The following SMG6 variants were observed in gnomAD, a reference collection of about 807,000 sequenced individuals.
SMG6 encodes SMG6 nonsense mediated mRNA decay factor.
In SMG6, 66 loss-of-function variants were observed where a neutral mutation model predicts 142.2. The observed-to-expected ratio is 0.46, with a 90% CI of 0.38 to 0.57. The LOEUF (loss-of-function observed/expected upper bound fraction) is 0.57. SMG6 is among the 20% of genes least tolerant of loss of function. The pLI, the probability that SMG6 is intolerant of heterozygous loss-of-function variation, is 0.00. For missense variants in SMG6, 1,793 were observed against 1,832.0 expected (o/e 0.98, Z 0.39); for synonymous variants, 779 against 702.4 (o/e 1.11, Z -1.72).
chr17:2,130,710 A>T (rs1334870102), intron 13 of SMG6, among the ~76,000 whole-genome samples: 1 of 151,660 alleles, frequency 6.6e-6, no homozygotes, highest in Non-Finnish European at 1.5e-5. Context: ...AATTGCAATT[A>T]CTCTTGGTAA....
rs533387681 is a variant in SMG6, at chr17:2,083,035, C to T, written c.3535-1079G>A. Among the ~76,000 whole-genome samples, 28 of 152,324 alleles carry T rather than the reference C, an allele frequency of 1.8e-4. 1 individual carries two copies. Among genetic ancestry groups the T allele is most frequent in the Admixed American group, 1.4e-3 (21 of 15,300 alleles). On this transcript the variant is annotated intron_variant, in intron 14 of 18. Transcript: ENST00000263073. ...AACTGAGGTTTAGAAGTCAACACCT[C>T]GCTCAGGGTCACATGGCTAGTAAAG...
At chr17:2,212,964 G>A (rs1420956532) in intron 10 of SMG6, among the ~76,000 whole-genome samples, 1 of 152,234 alleles carries the variant, frequency 6.6e-6, no homozygotes, top group Non-Finnish European at 1.5e-5. Context: ...TTAACAGTTT[G>A]TAGTGAGTGG....
intron 13 of SMG6, among the ~76,000 whole-genome samples, chr17:2,089,050 T>C (rs1164121031): frequency 1.3e-5 from 2 of 152,108 alleles, no homozygotes; most frequent in East Asian, 3.9e-4. Context: ...AAGATGATCT[T>C]TGCTTGGTCT....
chr17:2,211,116 A>T (rs1464060791), intron 10 of SMG6, among the ~76,000 whole-genome samples: 1 of 149,572 alleles, frequency 6.7e-6, no homozygotes, highest in African/African-American at 2.5e-5. Flanking sequence ...AAAAAAAAAT[A>T]GAAAAAAGAT....
rs1169131632 is a variant in SMG6 at position 2,085,186 on chromosome 17, T to C, written c.3534+539A>G. ...CAGACACACACACACGAGTCTGGAG[T>C]GAAGCAAGGGCTACAGGAACAACCA... On this transcript the variant is annotated intron_variant, in intron 14 of 18. Coordinates refer to ENST00000263073, the MANE Select transcript of SMG6 (RefSeq NM_017575.5). This position sits in a 1 kb window ranked among gnomAD's most constrained non-coding sequence, Gnocchi z 4.1. Among the ~76,000 whole-genome samples, 2 of 146,298 alleles carry C rather than the reference T, an allele frequency of 1.4e-5. No individual in the cohort carries two copies. The highest frequency in any genetic ancestry group is 1.4e-4 in the Admixed American group (2 of 14,436).
chr17:2,061,876 A>C, intron 18 of SMG6: 1 of 440,604 alleles, frequency 2.3e-6, no homozygotes, highest in Non-Finnish European at 4.2e-6. Context: ...TAGTTCCCAA[A>C]AGCTGCCCAA....
At chr17:2,191,261 G>C (rs2072153116) in intron 10 of SMG6, among the ~76,000 whole-genome samples, 2 of 152,202 alleles carry the variant, frequency 1.3e-5, no homozygotes, top group South Asian at 4.1e-4. Flanking sequence ...CCACAGGCTA[G>C]AAACCGTAAG....
Position 2,292,879 on chromosome 17 carries a change from T to C in SMG6, c.2250A>G (p.Lys750=). 1 of 1,613,772 alleles carries C rather than the reference T, an allele frequency of 6.2e-7. No individual in the cohort carries two copies. Among genetic ancestry groups the C allele is most frequent in the Non-Finnish European group, 8.5e-7 (1 of 1,179,676 alleles). The change falls in exon 5 of 19, where the codon AAA becomes AAG. Residue 750 remains lysine (K), a synonymous_variant. Coordinates refer to ENST00000263073, the MANE Select transcript of SMG6 (RefSeq NM_017575.5). ...EQASDTANYG[K]ARSWYLKAQH... ...AGCAGAGGTAAAAGTACCTGCGTGC[T>C]TTCCCATAATTCGCTGTATCACTGG...
At chr17:2,131,654 C>A (rs79530674) in intron 13 of SMG6, among the ~76,000 whole-genome samples, 1 of 152,070 alleles carries the variant, frequency 6.6e-6, no homozygotes, top group Non-Finnish European at 1.5e-5. Context: ...TGATTTGTCA[C>A]ACAAATTTTT....
intron 1 of SMG6, among the ~76,000 whole-genome samples, chr17:2,302,552 A>G (rs1240830366): frequency 6.6e-6 from 1 of 152,248 alleles, no homozygotes; most frequent in Non-Finnish European, 1.5e-5. Context: ...AAAAATAATA[A>G]TAACAACAAT....
Position 2,150,678 on chromosome 17 carries a change from A to G in SMG6, c.3357+21980T>C, listed in dbSNP as rs183797018. On this transcript the variant is annotated intron_variant, in intron 13 of 18. Coordinates refer to ENST00000263073, the MANE Select transcript of SMG6 (RefSeq NM_017575.5). ...AGATGTTCTTCCTATTACACTTTAT[A>G]TTGCTGTTCCCAGAAGTCAGGCAAA... Among the ~76,000 whole-genome samples the G allele has an allele frequency of 2.4e-4, 37 of 152,324 alleles. No homozygotes were observed. In the East Asian group the frequency reaches 6.9e-3, roughly 29 times the overall value.
chr17:2,226,006 A>G (rs1264558276), intron 10 of SMG6, among the ~76,000 whole-genome samples: 1 of 152,136 alleles, frequency 6.6e-6, no homozygotes, highest in Admixed American at 6.5e-5. Context: ...AAGACAAACA[A>G]CTTGATAAAA....
chr17:2,292,675 T>G (rs1468382977), intron 5 of SMG6, 45 bp from the exon 6 acceptor site: 7 of 1,595,960 alleles, frequency 4.4e-6, no homozygotes, highest in Non-Finnish European at 6.0e-6. Context: ...CCAGATTAGC[T>G]TTTTCCCAAT....
Position 2,294,650 on chromosome 17 carries a change from G to T in SMG6, c.2152-1673C>A, listed in dbSNP as rs1421007623. Among the ~76,000 whole-genome samples the T allele has an allele frequency of 2.0e-5, 3 of 152,268 alleles. No individual in the cohort carries two copies. In the East Asian group the frequency reaches 5.8e-4, roughly 29 times the overall value. On this transcript the variant is annotated intron_variant, in intron 4 of 18. Transcript: ENST00000263073. ...CGGCCTTCAGCGTTAGTTTAACTAT[G>T]ATTTTCTCAGTCTCACAGGATTCTT...
At position 2,126,449 on chromosome 17, in the gene SMG6, G is replaced by T. The variant is rs1337150308; in HGVS notation, c.3358-40548C>A. Reference sequence around the variant, plus strand: ...ACAAAAGAAAAAAATAAGCAGACCAGACACAGTGCCTCATATTTGTAATCC... The same window carrying T: ...ACAAAAGAAAAAAATAAGCAGACCATACACAGTGCCTCATATTTGTAATCC... On this transcript the variant is annotated intron_variant, in intron 13 of 18. Transcript: ENST00000263073. 2.6e-5 allele frequency among the ~76,000 whole-genome samples: 4 copies of T among 152,240 alleles called. No homozygotes were observed. The East Asian group carries it at 7.7e-4, about 29-fold the overall frequency.
In SMG6 at chr17:2,300,590, C is replaced by T; in HGVS notation, c.163G>A (p.Gly55Ser). 1.9e-6 allele frequency: 3 copies of T among 1,613,942 alleles called. No homozygotes were observed. Among genetic ancestry groups the T allele is most frequent in the South Asian group, 1.1e-5 (1 of 91,070 alleles). The part of the protein sequence containing the change: ...RRPDLEIYKP[G>S]LSRLRNKPKI... ...GGCTTGTTCCTTAGCCGAGAAAGGC[C>T]AGGCTTATAGATTTCCAGATCTGGA... Residue 55 changes from glycine to serine, a missense_variant, in exon 2 of 19, where the codon GGC (glycine) becomes AGC (serine). Coordinates refer to ENST00000263073, the MANE Select transcript of SMG6 (RefSeq NM_017575.5).
At chr17:2,296,613 C>A (rs1203911051) in intron 4 of SMG6, among the ~76,000 whole-genome samples, 4 of 152,174 alleles carry the variant, frequency 2.6e-5, no homozygotes, top group African/African-American at 9.7e-5. Context: ...GGGACCTAGG[C>A]TATGCACTCC....
chr17:2,250,355 C>T (rs1254858082), intron 8 of SMG6, among the ~76,000 whole-genome samples: 1 of 151,636 alleles, frequency 6.6e-6, no homozygotes, highest in Non-Finnish European at 1.5e-5. Flanking sequence ...AATTATTATT[C>T]TCTTATCTGT....
intron 13 of SMG6, among the ~76,000 whole-genome samples, chr17:2,163,999 T>C (rs551526704): frequency 8.0e-5 from 12 of 149,794 alleles, no homozygotes; most frequent in South Asian, 2.1e-4. Flanking sequence ...AAGACGGAGG[T>C]TGCAGTGGGT....
Sources: allele counts gnomAD v4.1 joint callset (sites outside exome capture counted in the v4.1 genomes callset), GRCh38; gene constraint gnomAD v4.1.1; non-coding constraint Gnocchi (gnomAD v3.1); transcripts MANE v1.5; gene names NCBI Gene and HGNC (gene_info 2026-07-23, HGNC 2026-07-21).